SYN2: variants seen among roughly 807,000 people sequenced by gnomAD.
The protein encoded by SYN2 is synapsin-2.
A neutral mutation model predicts 50.9 loss-of-function variants in SYN2; 19 were observed. That is an observed-to-expected ratio of 0.37 (90% CI 0.26 to 0.55). The LOEUF is 0.55. Among genes scored for constraint, SYN2 ranks in the 20% least tolerant of loss-of-function variants. The pLI, the probability that SYN2 is intolerant of heterozygous loss-of-function variation, is 0.81. For missense variants in SYN2, 587 were observed against 576.4 expected, an observed-to-expected ratio of 1.02 and a Z score of -0.19; for synonymous variants, 255 against 224.9, an observed-to-expected ratio of 1.13 and a Z score of -1.20.
At chr3:12,026,106 T>C (rs1694252612) in intron 1 of SYN2, among the ~76,000 whole-genome samples, 1 of 152,202 alleles carries the variant, frequency 6.6e-6, no homozygotes, top group African/African-American at 2.4e-5. Flanking sequence ...AAGAGAGTGT[T>C]GGGTTGGGGT....
At chr3:12,127,518 C>T (rs899155219) in intron 1 of SYN2, among the ~76,000 whole-genome samples, 1 of 152,180 alleles carries the variant, frequency 6.6e-6, no homozygotes, top group African/African-American at 2.4e-5. Context: ...CATCTGGGAA[C>T]CTGTGGCATG....
intron 1 of SYN2, among the ~76,000 whole-genome samples, chr3:12,106,499 T>G (rs1467258211): frequency 6.6e-6 from 1 of 152,196 alleles, no homozygotes; most frequent in African/African-American, 2.4e-5. Flanking sequence ...ATTTACTGGA[T>G]CCTAAGAGTC....
chr3:12,051,606 T>C (rs2125155599), intron 1 of SYN2, among the ~76,000 whole-genome samples: 1 of 152,336 alleles, frequency 6.6e-6, no homozygotes, highest in Non-Finnish European at 1.5e-5. Context: ...CATTTTATGA[T>C]TTTCTTTTAG....
Position 12,162,073 on chromosome 3 carries a change from C to G in SYN2, c.899C>G (p.Thr300Ser). Residue 300 changes from threonine to serine, a missense_variant, in exon 7 of 13, where the codon ACC (threonine) becomes AGC (serine). Physicochemically the swap from Thr to Ser is moderately conservative, Grantham distance 58. Transcript: ENST00000621198. ...GCCAGCGTGGTGGCTCTCACCCAGA[C>G]CTATGCCACTGCAGAGCCTTTCATT... Reference protein sequence around the residue: ...DIASVVALTQTYATAEPFIDS... With the variant: ...DIASVVALTQSYATAEPFIDS... 6.2e-7 allele frequency: 1 copy of G among 1,614,084 alleles called. No individual in the cohort carries two copies. The highest frequency in any genetic ancestry group is 1.1e-5 in the South Asian group (1 of 91,072).
At chr3:12,142,686 C>T (rs1697048869) in intron 3 of SYN2, among the ~76,000 whole-genome samples, 1 of 152,132 alleles carries the variant, frequency 6.6e-6, no homozygotes, top group Admixed American at 6.5e-5. Flanking sequence ...TGGAAAGTGG[C>T]GGAGCTGGGA....
At chr3:12,006,888 A>G (rs1041544770) in intron 1 of SYN2, among the ~76,000 whole-genome samples, 1 of 152,364 alleles carries the variant, frequency 6.6e-6, no homozygotes, top group Admixed American at 6.5e-5. Flanking sequence ...AATCTTGAAG[A>G]AAGGCCAAGA....
intron 1 of SYN2, among the ~76,000 whole-genome samples, chr3:12,104,078 A>G (rs1039309409): frequency 9.2e-5 from 14 of 152,230 alleles, no homozygotes; most frequent in African/African-American, 3.4e-4. Context: ...AAGCTTGGAA[A>G]AAAGAATGCT....
chr3:12,174,039 C>A (rs576693651), intron 10 of SYN2, among the ~76,000 whole-genome samples: 10 of 152,182 alleles, frequency 6.6e-5, no homozygotes, highest in African/African-American at 2.2e-4. Flanking sequence ...CCCCTGAGGC[C>A]CCCCCGCCCA....
At chr3:12,164,659 A>G (rs575234559) in intron 7 of SYN2, among the ~76,000 whole-genome samples, 1 of 152,300 alleles carries the variant, frequency 6.6e-6, no homozygotes, top group East Asian at 1.9e-4. Context: ...TGTGGAGGTC[A>G]TATGATTTTT....
At chr3:12,101,496 C>T (rs1696075171) in intron 1 of SYN2, among the ~76,000 whole-genome samples, 1 of 152,056 alleles carries the variant, frequency 6.6e-6, no homozygotes, top group African/African-American at 2.4e-5. Context: ...GAGGGATATG[C>T]TATGACTGCT....
At chr3:12,085,365 A>ACG (rs1399764978) in intron 1 of SYN2, among the ~76,000 whole-genome samples, 93 of 145,874 alleles carry the variant, frequency 6.4e-4, no homozygotes, top group Middle Eastern at 3.6e-3. Flanking sequence ...ACACACACAC[A>ACG]CACACACACA....
chr3:12,141,725 G>A (rs551554026), intron 2 of SYN2, among the ~76,000 whole-genome samples, 180 bp from the exon 3 acceptor site: 18 of 152,180 alleles, frequency 1.2e-4, no homozygotes, highest in East Asian at 1.2e-3. Flanking sequence ...TGGTAAATGG[G>A]GATAATTATC....
chr3:12,188,084 A>C (rs971231123), intron 12 of SYN2, among the ~76,000 whole-genome samples: 1 of 152,168 alleles, frequency 6.6e-6, no homozygotes, highest in African/African-American at 2.4e-5. Flanking sequence ...TGCAATCAGT[A>C]AGGCTGCCCA....
intron 1 of SYN2, among the ~76,000 whole-genome samples, chr3:12,051,348 A>G (rs1694858949): frequency 1.4e-5 from 2 of 148,092 alleles, no homozygotes; most frequent in African/African-American, 2.5e-5. Flanking sequence ...TGTAAAGCAG[A>G]GAGTATTTTG....
intron 1 of SYN2, chr3:12,071,295 G>A (rs1695348762): frequency 3.5e-6 from 2 of 563,552 alleles, no homozygotes; most frequent in Admixed American, 3.8e-5. Context: ...CCATCTTCCA[G>A]CAGATGTGGA....
chr3:12,004,865 CCG>C lies in SYN2; in HGVS notation c.318_319del (p.Pro107ArgfsTer33). Reference sequence around the variant, plus strand: ...GCTGGCCTGGTGGACGCGCCCGCTCCCGCGCCCGCAGCCGCCAGGAAGGCCAA... The same window carrying C: ...GCTGGCCTGGTGGACGCGCCCGCTCCCGCCCGCAGCCGCCAGGAAGGCCAA... On this transcript the variant is annotated frameshift_variant, in exon 1 of 13. Transcript: ENST00000621198. LOFTEE classifies it high-confidence loss of function. 1 of 566,528 alleles carries C rather than the reference CCG, an allele frequency of 1.8e-6. No homozygotes were observed. 35.1% of individuals were successfully genotyped at this position (566,528 alleles called of 1,614,324 possible).
chr3:12,033,062 G>A (rs1349936106), intron 1 of SYN2, among the ~76,000 whole-genome samples: 2 of 147,592 alleles, frequency 1.4e-5, no homozygotes, highest in East Asian at 2.0e-4. Flanking sequence ...GGTTTTCGGT[G>A]TGGATGTCCT....
At chr3:12,074,509 CA>C (rs1245740895) in intron 1 of SYN2, among the ~76,000 whole-genome samples, 2 of 152,116 alleles carry the variant, frequency 1.3e-5, no homozygotes, top group Admixed American at 6.5e-5. Flanking sequence ...TTTAAAGTTG[CA>C]GTTGACTTAA....
At chr3:12,095,972 C>T (rs1475337081) in intron 1 of SYN2, among the ~76,000 whole-genome samples, 3 of 152,092 alleles carry the variant, frequency 2.0e-5, no homozygotes, top group African/African-American at 7.2e-5. Context: ...TTGAATTTTT[C>T]CTCCTTCAAA....
Sources: gnomAD v4.1 joint callset for allele counts (sites outside exome capture counted in the v4.1 genomes callset) on GRCh38, gnomAD v4.1.1 for gene constraint, MANE v1.5 for transcripts, NCBI Gene and HGNC (gene_info 2026-07-23, HGNC 2026-07-21) for gene names.